The following DIS3L2 variants were observed in gnomAD, a reference collection of about 807,000 sequenced individuals.
DIS3L2 encodes the protein DIS3 like 3'-5' exoribonuclease 2.
DIS3L2 carries 34 observed loss-of-function variants against 97.5 expected under a neutral mutation model. The observed-to-expected ratio is 0.35, with a 90% CI of 0.27 to 0.46. The LOEUF (loss-of-function observed/expected upper bound fraction) is 0.46, where lower values mean the gene tolerates loss of function less well. Ranked by LOEUF, DIS3L2 falls within the 20% of genes least tolerant of loss-of-function variation. The probability of loss-of-function intolerance (pLI) is 1.00; values close to 1 mark genes in which losing one functional copy is unlikely to be tolerated. For missense variants in DIS3L2, 1,038 were observed against 1,146.0 expected (o/e 0.91, Z 1.36); for synonymous variants, 435 against 445.2 (o/e 0.98, Z 0.29).
At chr2:232,005,170 A>ATTTTTTTTTTT (rs55757645) in intron 1 of DIS3L2, among the ~76,000 whole-genome samples, 52 of 126,526 alleles carry the variant, frequency 4.1e-4, no homozygotes, top group East Asian at 9.3e-4. Context: ...AAGAATCTTG[A>ATTTTTTTTTTT]TTTTTTTTTT....
chr2:231,981,787 A>G (rs1001408191), intron 1 of DIS3L2, among the ~76,000 whole-genome samples: 10 of 151,364 alleles, frequency 6.6e-5, no homozygotes, highest in Admixed American at 2.6e-4. Context: ...TAATGCCAGC[A>G]TTTTGGGAGG....
chr2:232,260,839 A>G (rs1263174864), intron 12 of DIS3L2, among the ~76,000 whole-genome samples: 1 of 152,196 alleles, frequency 6.6e-6, no homozygotes, highest in Non-Finnish European at 1.5e-5. Flanking sequence ...TGGTGTGAAC[A>G]GCACCTGGGC....
In DIS3L2 at chr2:232,261,220, C is replaced by T. The variant is rs558227497; in HGVS notation, c.1426-1987C>T. On this transcript the variant is annotated intron_variant, in intron 12 of 20. Transcript: ENST00000325385. ...TCTCCTGCCCTTTCCTTCCTTCCTT[C>T]CTCCCCACCAGGCTGGGCTTCCTCT... Among the ~76,000 whole-genome samples the T allele has an allele frequency of 5.3e-5, 8 of 152,256 alleles. No individual in the cohort carries two copies. The East Asian group carries it at 9.7e-4, about 18-fold the overall frequency.
intron 6 of DIS3L2, among the ~76,000 whole-genome samples, chr2:232,129,354 A>G (rs1365172961): frequency 6.6e-6 from 1 of 152,200 alleles, no homozygotes; most frequent in African/African-American, 2.4e-5. Flanking sequence ...CAGATCAACA[A>G]CTTGTGTGGT....
chr2:232,343,516 G>A, exon 14 of DIS3L2: 1 of 1,558,858 alleles, frequency 6.4e-7, no homozygotes, highest in Non-Finnish European at 8.7e-7. Flanking sequence ...CCGTGTATTG[G>A]AAGCAAAGCC....
At chr2:232,019,463 G>T (rs780584475) in intron 3 of DIS3L2, among the ~76,000 whole-genome samples, 23 of 151,852 alleles carry the variant, frequency 1.5e-4, no homozygotes, top group Non-Finnish European at 2.9e-4. Context: ...CAGGAGGATC[G>T]CTTGAGTCCT....
intron 9 of DIS3L2, among the ~76,000 whole-genome samples, chr2:232,198,236 A>G (rs1691808983): frequency 6.6e-6 from 1 of 152,144 alleles, no homozygotes; most frequent in African/African-American, 2.4e-5. Context: ...TCTCTAGGAA[A>G]TAGAGAAAAA....
chr2:232,319,775 C>G (rs1158613074), intron 14 of DIS3L2, among the ~76,000 whole-genome samples: 1 of 152,184 alleles, frequency 6.6e-6, no homozygotes, highest in Non-Finnish European at 1.5e-5. Flanking sequence ...CCAGGCTGCC[C>G]TACAAGATGG....
At chr2:232,091,996 C>T (rs1696854592) in intron 6 of DIS3L2, among the ~76,000 whole-genome samples, 1 of 152,126 alleles carries the variant, frequency 6.6e-6, no homozygotes, top group Admixed American at 6.6e-5. Context: ...AGAGTTTCTC[C>T]AATGTTTTCT....
At chr2:232,331,083 A>G (rs1359677800) in intron 16 of DIS3L2, among the ~76,000 whole-genome samples, 1 of 152,220 alleles carries the variant, frequency 6.6e-6, no homozygotes, top group Admixed American at 6.5e-5. Context: ...CCTGGAGGAG[A>G]GACAGGGTCC....
At chr2:232,213,889 A>G (rs1412649928) in intron 10 of DIS3L2, among the ~76,000 whole-genome samples, 1 of 152,030 alleles carries the variant, frequency 6.6e-6, no homozygotes, top group African/African-American at 2.4e-5. Flanking sequence ...CTGTCTACCA[A>G]TAGATCATAA....
chr2:232,069,716 A>G (rs906415789), intron 5 of DIS3L2, among the ~76,000 whole-genome samples: 9 of 152,132 alleles, frequency 5.9e-5, no homozygotes, highest in African/African-American at 2.2e-4. Context: ...ATGGAATGTA[A>G]TTCTGGAGCT....
chr2:232,190,368 C>T (rs1451187633), intron 9 of DIS3L2, among the ~76,000 whole-genome samples: 1 of 152,150 alleles, frequency 6.6e-6, no homozygotes, highest in Non-Finnish European at 1.5e-5. Context: ...AACATGGTTA[C>T]CTCATGCTCC....
At chr2:231,975,662 G>T (rs546030192) in intron 1 of DIS3L2, among the ~76,000 whole-genome samples, 1 of 133,142 alleles carries the variant, frequency 7.5e-6, no homozygotes, top group African/African-American at 2.9e-5. Flanking sequence ...CTGAGATTGC[G>T]CCACTGCACT....
intron 9 of DIS3L2, chr2:232,172,608 C>T: frequency 2.1e-6 from 1 of 476,744 alleles, no homozygotes; most frequent in Non-Finnish European, 4.4e-6. Flanking sequence ...TATTTGTGTA[C>T]AGGTTTTGGT....
intron 5 of DIS3L2, among the ~76,000 whole-genome samples, chr2:232,078,697 A>G (rs1696290710): frequency 6.6e-6 from 1 of 152,264 alleles, no homozygotes; most frequent in East Asian, 1.9e-4. Context: ...AAGTTTCTAT[A>G]GAATACACAA....
intron 5 of DIS3L2, among the ~76,000 whole-genome samples, chr2:232,031,598 C>G (rs1009665207): frequency 5.3e-5 from 8 of 151,392 alleles, no homozygotes; most frequent in African/African-American, 1.7e-4. Flanking sequence ...TTTGCTGCAC[C>G]CATTAACCCA....
intron 9 of DIS3L2, among the ~76,000 whole-genome samples, chr2:232,209,888 A>G (rs1041328833): frequency 6.6e-6 from 1 of 152,122 alleles, no homozygotes; most frequent in African/African-American, 2.4e-5. Context: ...ATTATGGTTA[A>G]CTCTACGGCC....
intron 13 of DIS3L2, among the ~76,000 whole-genome samples, chr2:232,272,972 G>A (rs1694046125): frequency 6.6e-6 from 1 of 152,002 alleles, no homozygotes; most frequent in African/African-American, 2.4e-5. Context: ...CTTTCTGCTT[G>A]CCTATATCCA....
Sources: gnomAD v4.1 joint callset for allele counts (sites outside exome capture counted in the v4.1 genomes callset) on GRCh38, gnomAD v4.1.1 for gene constraint, MANE v1.5 for transcripts, NCBI Gene and HGNC (gene_info 2026-07-23, HGNC 2026-07-21) for gene names.